Variants in QRICH2 observed in about 807,000 individuals in gnomAD.
The protein encoded by QRICH2 is glutamine-rich protein 2.
In QRICH2, 119 loss-of-function variants were observed where a neutral mutation model predicts 168.3. The observed-to-expected ratio is 0.71, with a 90% CI of 0.61 to 0.82. The LOEUF (loss-of-function observed/expected upper bound fraction) is 0.82. Ranked by LOEUF, QRICH2 falls within the 40% of genes least tolerant of loss-of-function variation. QRICH2 has a pLI of 0.00. For missense variants in QRICH2, 2,241 were observed against 2,491.6 expected (o/e 0.90, Z 2.14); for synonymous variants, 894 against 951.2 (o/e 0.94, Z 1.11).
rs1340224839 is a variant in QRICH2 at position 76,283,710 on chromosome 17, C to A, written c.4012-1595G>T. 4.2e-5 allele frequency among the ~76,000 whole-genome samples: 6 copies of A among 142,730 alleles called. 2 individuals carry two copies. Among genetic ancestry groups the A allele is most frequent in the African/African-American group, 1.8e-4 (6 of 32,898 alleles). The allele number at this position is 142,730 out of a possible 152,430, so 93.6% of individuals were successfully genotyped here. A position where few individuals can be genotyped will look rare whatever the true frequency, so the allele number is the denominator to read the frequency against. ...CTAACATGGTGAAACCCCATCTCTA[C>A]TAAAAATACAAAAATTATCCAGGTG... On this transcript the variant is annotated intron_variant, in intron 7 of 18. Transcript: ENST00000680821.
intron 3 of QRICH2, among the ~76,000 whole-genome samples, chr17:76,300,624 C>T (rs562481078): frequency 6.6e-6 from 1 of 152,264 alleles, no homozygotes; most frequent in East Asian, 1.9e-4. Flanking sequence ...GTGCCTGCAT[C>T]ATGAGTAGAG....
chr17:76,308,633 TTCAA>T (rs764714527), upstream of QRICH2: 143 of 331,724 alleles, frequency 4.3e-4, no homozygotes, highest in Middle Eastern at 1.5e-3. Flanking sequence ...ACATATTTTG[TTCAA>T]TCAAAGGTGA....
chr17:76,303,866 C>G, intron 3 of QRICH2, among the ~76,000 whole-genome samples: 1 of 105,090 alleles, frequency 9.5e-6, no homozygotes, highest in South Asian at 3.4e-4. Context: ...GAGCAAAACT[C>G]TGTCTCAAAA....
At position 76,308,046 on chromosome 17, in the gene QRICH2, T is replaced by C; in HGVS notation, c.-48A>G. The stretch of plus-strand genomic sequence containing the variant: ...CCGCCGCGGGGCGCCGGCCAACCAC[T>C]TCCCGCTCACTGCACGCCGCGCCTT... On this transcript the variant is annotated 5_prime_UTR_variant, in exon 1 of 19. Coordinates refer to ENST00000680821, the MANE Select transcript of QRICH2 (RefSeq NM_001388453.1). 8.1e-7 allele frequency: 1 copy of C among 1,231,202 alleles called. No homozygotes were observed. The highest frequency in any genetic ancestry group is 3.2e-5 in the East Asian group (1 of 31,610). The allele number at this position is 1,231,202 out of a possible 1,614,324, so 76.3% of individuals were successfully genotyped here.
At chr17:76,285,278 C>T (rs554658653) in intron 7 of QRICH2, among the ~76,000 whole-genome samples, 3 of 152,078 alleles carry the variant, frequency 2.0e-5, no homozygotes, top group South Asian at 2.1e-4. Flanking sequence ...ATTACAGGCA[C>T]GTGCCACCTC....
In QRICH2 at chr17:76,287,890, C is replaced by G; in HGVS notation, c.3806G>C (p.Arg1269Thr). The G allele has an allele frequency of 6.2e-7, 1 of 1,613,924 alleles. No individual in the cohort carries two copies. The highest frequency in any genetic ancestry group is 8.5e-7 in the Non-Finnish European group (1 of 1,179,842). ...TTCCCCTTCCAGGATCCTCTGCAGC[C>G]TTTCCACCTACAAACCCAGTGAATG... ...EVWQEKAKVERLQRILEGEGN... is the reference protein window; with the variant it reads ...EVWQEKAKVETLQRILEGEGN... The change falls in exon 6 of 19, where the codon AGG becomes ACG. Residue 1269 changes from arginine (R) to threonine (T), a missense_variant. Transcript: ENST00000680821.
At chr17:76,283,969 C>T (rs1024156971) in intron 7 of QRICH2, among the ~76,000 whole-genome samples, 2 of 141,220 alleles carry the variant, frequency 1.4e-5, no homozygotes, top group Non-Finnish European at 3.0e-5. Flanking sequence ...AGTTCAAGAC[C>T]GGCCTGACCA....
intron 12 of QRICH2, 43 bp downstream of exon 12, chr17:76,279,990 C>A: frequency 1.9e-6 from 3 of 1,568,410 alleles, no homozygotes; most frequent in African/African-American, 2.7e-5. Context: ...CCCTCACCCC[C>A]TGAAGAGCGT....
At chr17:76,305,165 C>CTTTTTTTTTTT (rs371179936) in intron 1 of QRICH2, among the ~76,000 whole-genome samples, 1 of 130,006 alleles carries the variant, frequency 7.7e-6, no homozygotes, top group Non-Finnish European at 1.6e-5. Context: ...TTTTGGTTTC[C>CTTTTTTTTTTT]TTTTTTTTTT....
At chr17:76,287,698 T>C in intron 6 of QRICH2, 102 bp downstream of exon 6, 1 of 818,860 alleles carries the variant, frequency 1.2e-6, no homozygotes, top group East Asian at 2.4e-5. Context: ...TCAAAGACAG[T>C]GGTCCATTCA....
intron 14 of QRICH2, 49 bp from the exon 15 acceptor site, chr17:76,278,238 C>G: frequency 6.3e-7 from 1 of 1,576,856 alleles, no homozygotes; most frequent in Non-Finnish European, 8.6e-7. Flanking sequence ...TGGCGGGGGC[C>G]TTGACCTTGT....
rs1009370268 is a variant in QRICH2 at position 76,281,260 on chromosome 17, G to A, written c.4264-307C>T. Among the ~76,000 whole-genome samples the A allele has an allele frequency of 5.9e-5, 9 of 152,166 alleles. No individual in the cohort carries two copies. The highest frequency in any genetic ancestry group is 2.1e-4 in the South Asian group (1 of 4,836). On this transcript the variant is annotated intron_variant, in intron 8 of 18. Coordinates refer to ENST00000680821, the MANE Select transcript of QRICH2 (RefSeq NM_001388453.1). This position sits in a 1 kb window ranked among gnomAD's most constrained non-coding sequence, Gnocchi z 4.4. ...CCTTTCTGGGTGTCCACCCCCACAG[G>A]ACACAAGCGTCAGTCACCTACATCC...
At position 76,291,677 on chromosome 17, in the gene QRICH2, T is replaced by C; in HGVS notation, c.3050A>G (p.Glu1017Gly). The C allele has an allele frequency of 1.2e-6, 2 of 1,614,162 alleles. No individual in the cohort carries two copies. Among genetic ancestry groups the C allele is most frequent in the Non-Finnish European group, 1.7e-6 (2 of 1,179,998 alleles). ...GAGTGGTGACACCTGGCCGTATTGT[T>C]CTCTGCCAGGAGGTACCATACCATG... is the stretch of plus-strand genomic sequence containing the variant. ...YQHGMVPPGR[E>G]QYGQVSPLLA... is the part of the protein sequence containing the mutation. Residue 1017 changes from glutamate to glycine, a missense_variant, in exon 4 of 19, where the codon GAA becomes GGA. Glu to Gly is a moderately conservative substitution (Grantham distance 98). Coordinates refer to ENST00000680821, the MANE Select transcript of QRICH2 (RefSeq NM_001388453.1).
chr17:76,274,382 G>C (rs2070634796), intron 18 of QRICH2, 122 bp from the exon 19 acceptor site: 1 of 1,063,910 alleles, frequency 9.4e-7, no homozygotes. Context: ...GGCTGACACA[G>C]GCTGGAGGGG....
At position 76,274,120 on chromosome 17, in the gene QRICH2, C is replaced by G. The variant is rs768934118; in HGVS notation, c.5623G>C (p.Glu1875Gln). 15 of 1,587,126 alleles carry G rather than the reference C, an allele frequency of 9.5e-6. 1 individual carries two copies. The East Asian group carries it at 2.8e-4, about 30-fold the overall frequency. The change falls in exon 19 of 19, where the codon GAG becomes CAG. Residue 1875 changes from glutamate to glutamine, a missense_variant. Physicochemically the swap from Glu to Gln is conservative, Grantham distance 29 (BLOSUM62 2). Coordinates refer to ENST00000680821, the MANE Select transcript of QRICH2 (RefSeq NM_001388453.1). The stretch of plus-strand genomic sequence containing the variant: ...GACCGCGGCCCCCGCGTGGGCTCCT[C>G]GAGCCCCTCCCCAGGAGGCATGTCC... ...HVDMPPGEGL[E>Q]EPTRGPRSST...
chr17:76,281,888 G>A lies in QRICH2; in HGVS notation c.4239C>T (p.Ser1413=). 1 of 1,613,562 alleles carries A rather than the reference G, an allele frequency of 6.2e-7. No homozygotes were observed. The highest frequency in any genetic ancestry group is 8.5e-7 in the Non-Finnish European group (1 of 1,179,894). ...MVNSLAVSRP[S]KKAKLQRQDE... The stretch of plus-strand genomic sequence containing the variant: ...CCTGTCTCTGGAGCTTGGCCTTCTT[G>A]GAGGGTCGGGAGACGGCCAGGCTGT... The change falls in exon 8 of 19, where the codon TCC becomes TCT. Residue 1413 remains serine (S), a synonymous_variant. Coordinates refer to ENST00000680821, the MANE Select transcript of QRICH2 (RefSeq NM_001388453.1). The surrounding 1 kb of genome is among the most constrained non-coding windows in gnomAD (Gnocchi z 4.4).
chr17:76,278,119 A>T lies in QRICH2; in HGVS notation c.4987T>A (p.Ser1663Thr). 2 of 1,613,446 alleles carry T rather than the reference A, an allele frequency of 1.2e-6. No homozygotes were observed. The highest frequency in any genetic ancestry group is 2.2e-5 in the South Asian group (2 of 91,090). ...TTCATCAGCATCTTGGAGTGCATGG[A>T]GCGCAGGCGCCCCACGCTCTGCTCC... ...QMEQSVGRLR[S>T]MHSKMLMNIE... Residue 1663 changes from serine to threonine, a missense_variant, in exon 15 of 19, where the codon TCC becomes ACC. Transcript: ENST00000680821.
chr17:76,306,193 A>AAC (rs2070988959), intron 1 of QRICH2, among the ~76,000 whole-genome samples: 1 of 148,002 alleles, frequency 6.8e-6, no homozygotes, highest in African/African-American at 2.5e-5. Context: ...AAAAAAAAAA[A>AAC]CCCAAAAAAA....
Position 76,307,738 on chromosome 17 carries a change from C to T in QRICH2, c.261G>A (p.Lys87=). 1.4e-6 allele frequency: 2 copies of T among 1,392,822 alleles called. No homozygotes were observed. Among genetic ancestry groups the T allele is most frequent in the South Asian group, 1.6e-5 (1 of 61,244 alleles). The allele number at this position is 1,392,822 out of a possible 1,614,324, so 86.3% of individuals were successfully genotyped here. A position where few individuals can be genotyped will look rare whatever the true frequency, so the allele number is the denominator to read the frequency against. The part of the protein sequence containing the change: ...KEVPKGAPRE[K]RRGVGQAPSS... ...AAGGCGCCTGGCCCACGCCCCTGCG[C>T]TTCTCCCGGGGCGCCCCCTTGGGCA... The change falls in exon 1 of 19, where the codon AAG becomes AAA. Residue 87 remains lysine (K), a synonymous_variant. Transcript: ENST00000680821. The surrounding 1 kb of genome is among the most constrained non-coding windows in gnomAD (Gnocchi z 5.3).
Sources: allele counts gnomAD v4.1 joint callset (sites outside exome capture counted in the v4.1 genomes callset), GRCh38; gene constraint gnomAD v4.1.1; non-coding constraint Gnocchi (gnomAD v3.1); transcripts MANE v1.5; gene names NCBI Gene and HGNC (gene_info 2026-07-23, HGNC 2026-07-21).